Variants in WSB1 observed in about 807,000 individuals in gnomAD.
The protein encoded by WSB1 is WD repeat and SOCS box containing 1, also known as WD repeat and SOCS box-containing protein 1.
A neutral mutation model predicts 50.2 loss-of-function variants in WSB1; 23 were observed. That is an observed-to-expected ratio of 0.46 (90% confidence interval 0.33 to 0.65). The LOEUF (loss-of-function observed/expected upper bound fraction) is 0.65, where lower values mean the gene tolerates loss of function less well. Ranked by LOEUF, WSB1 falls within the 30% of genes least tolerant of loss-of-function variation. The pLI is 0.02. For synonymous variants in WSB1, 179 were observed against 172.0 expected, an observed-to-expected ratio of 1.04 and a Z score of -0.32; for missense variants, 492 against 522.3, an observed-to-expected ratio of 0.94 and a Z score of 0.56.
chr17:27,308,287 T>C, intron 5 of WSB1: 1 of 986,214 alleles, frequency 1.0e-6, no homozygotes. Flanking sequence ...TCACATTTAA[T>C]ATAACAGACT....
At chr17:27,305,239 G>T (rs564803969) in intron 4 of WSB1, among the ~76,000 whole-genome samples, 1 of 152,136 alleles carries the variant, frequency 6.6e-6, no homozygotes, top group Non-Finnish European at 1.5e-5. Flanking sequence ...TCTTAGGGAG[G>T]GTTATTAACT....
intron 5 of WSB1, chr17:27,307,638 TACTC>T (rs1354235810): frequency 8.8e-7 from 1 of 1,131,862 alleles, no homozygotes; most frequent in African/African-American, 1.6e-5. Flanking sequence ...TAAAGCAAGA[TACTC>T]AGTTTAGTTC....
rs17776707 is a variant in WSB1 at position 27,296,850 on chromosome 17, T to A, written c.40+2415T>A. 5.4e-3 allele frequency among the ~76,000 whole-genome samples: 828 copies of A among 152,174 alleles called. 5 individuals are homozygous for A. The highest frequency in any genetic ancestry group is 0.019 in the African/African-American group (779 of 41,524). On this transcript the variant is annotated intron_variant, in intron 1 of 8. Transcript: ENST00000262394. ...CAGATAATGTAATAAAGGTTTAACT[T>A]AAAAATTTTTTTTCAAAGCACTTTA...
At position 27,309,105 on chromosome 17, in the gene WSB1, C is replaced by T. The variant is rs199550651; in HGVS notation, c.717C>T (p.Phe239=). The change falls in exon 6 of 9, where the codon TTC becomes TTT. Residue 239 remains phenylalanine (F), a synonymous_variant. Transcript: ENST00000262394. ...LCSVGASKAV[F]LWNMDKYTMI... ...CATTTGCCTTTTTATTGCAGGTTTT[C>T]CTTTGGAATATGGATAAATACACCA... The T allele has an allele frequency of 6.3e-7, 1 of 1,594,504 alleles. No homozygotes were observed. The highest frequency in any genetic ancestry group is 2.2e-5 in the East Asian group (1 of 44,468).
Position 27,313,018 on chromosome 17 carries a change from A to C in WSB1, c.*649A>C, listed in dbSNP as rs944395281. ...ATCACACCACTGCACTCCAACCTGG[A>C]CAACAGAGCGAGACTCCATCTCAAA... On this transcript the variant is annotated 3_prime_UTR_variant, in exon 9 of 9. Transcript: ENST00000262394. 4 of 152,008 alleles carry C rather than the reference A, an allele frequency of 2.6e-5. No homozygotes were observed. Among genetic ancestry groups the C allele is most frequent in the African/African-American group, 9.7e-5 (4 of 41,288 alleles). The allele number at this position is 152,008 out of a possible 1,614,324, so 9.4% of individuals were successfully genotyped here. A position where few individuals can be genotyped will look rare whatever the true frequency, so the allele number is the denominator to read the frequency against.
In WSB1 at chr17:27,311,565, G is replaced by A. The variant is rs371644715; in HGVS notation, c.1055G>A (p.Ser352Asn). The stretch of plus-strand genomic sequence containing the variant: ...TATCCAGTGCAAGTTGCACCTTTGA[G>A]CAATGGTCTTTGCTGTGCCTTCTCT... ...EDYPVQVAPL[S>N]NGLCCAFSTD... The change falls in exon 8 of 9, where the codon AGC becomes AAC. Residue 352 changes from serine (S) to asparagine (N), a missense_variant. Ser to Asn is a conservative substitution (Grantham distance 46). Transcript: ENST00000262394. 11 of 1,611,444 alleles carry A rather than the reference G, an allele frequency of 6.8e-6. No individual in the cohort carries two copies. Among genetic ancestry groups the A allele is most frequent in the Admixed American group, 1.7e-5 (1 of 59,682 alleles).
intron 1 of WSB1, among the ~76,000 whole-genome samples, chr17:27,296,591 T>G: frequency 6.6e-6 from 1 of 152,240 alleles, no homozygotes; most frequent in Non-Finnish European, 1.5e-5. Context: ...GCTACTGCCC[T>G]TTTTCACAAG....
intron 1 of WSB1, among the ~76,000 whole-genome samples, chr17:27,297,644 A>G (rs2017035065): frequency 6.6e-6 from 1 of 152,120 alleles, no homozygotes; most frequent in African/African-American, 2.4e-5. Flanking sequence ...TTTTGTAGAG[A>G]TGAGGTCCCC....
intron 4 of WSB1, 42 bp downstream of exon 4, chr17:27,304,953 G>C (rs778803300): frequency 3.1e-6 from 5 of 1,611,048 alleles, no homozygotes; most frequent in Non-Finnish European, 4.2e-6. Flanking sequence ...TTTGTTTCTT[G>C]ATACTACTAT....
chr17:27,312,225 T>A lies in WSB1; in HGVS notation c.1122T>A (p.Ser374Arg). The A allele has an allele frequency of 6.2e-7, 1 of 1,611,618 alleles. No individual in the cohort carries two copies. Among genetic ancestry groups the A allele is most frequent in the Non-Finnish European group, 8.5e-7 (1 of 1,179,426 alleles). The change falls in exon 9 of 9, where the codon AGT becomes AGA. Residue 374 changes from serine to arginine, a missense_variant. By Grantham distance (110) the Ser-to-Arg change is moderately radical (BLOSUM62 -1). Transcript: ENST00000262394. The part of the protein sequence containing the change: ...SVLAAGTHDG[S>R]VYFWATPRQV... ...TTCTGTTTAGGACACATGACGGAAG[T>A]GTGTATTTTTGGGCCACTCCACGGC...
intron 5 of WSB1, chr17:27,307,857 C>T (rs2017521692): frequency 1.3e-6 from 2 of 1,487,212 alleles, no homozygotes; most frequent in Non-Finnish European, 1.8e-6. Flanking sequence ...GGGCTGGGGG[C>T]GACCTTTACC....
At chr17:27,311,482 ATAC>A (rs2017674508) in intron 7 of WSB1, 24 bp from the exon 8 acceptor site, 2 of 1,561,684 alleles carry the variant, frequency 1.3e-6, no homozygotes, top group Non-Finnish European at 1.7e-6. Flanking sequence ...TTTCTACAAG[ATAC>A]TAAATAATTT....
Position 27,311,615 on chromosome 17 carries a change from G to T in WSB1, c.1105G>T (p.Gly369Trp). The T allele has an allele frequency of 6.6e-7, 1 of 1,503,838 alleles. No homozygotes were observed. 93.2% of individuals were successfully genotyped at this position (1,503,838 alleles called of 1,614,324 possible). ...TACTGATGGCAGTGTTTTAGCTGCT[G>T]GGTAAATATATTTTTCTCTTTTTTT... ...FSTDGSVLAA[G>W]THDGSVYFWA... The change falls in exon 8 of 9, where the codon GGG (glycine) becomes TGG (tryptophan). Residue 369 changes from glycine (G) to tryptophan (W), a missense_variant and splice_region_variant. Physicochemically the swap from Gly to Trp is radical, Grantham distance 184. Transcript: ENST00000262394.
chr17:27,307,610 T>TATAAC, intron 5 of WSB1: 1 of 835,630 alleles, frequency 1.2e-6, no homozygotes, highest in East Asian at 2.9e-5. Flanking sequence ...AAAATGATAG[T>TATAAC]TATAAATGTT....
chr17:27,307,642 C>A, intron 5 of WSB1: 2 of 1,158,906 alleles, frequency 1.7e-6, no homozygotes, highest in Non-Finnish European at 2.4e-6. Context: ...GCAAGATACT[C>A]AGTTTAGTTC....
chr17:27,306,202 CTTTTTTTTTTTTT>C (rs907711059), intron 4 of WSB1, among the ~76,000 whole-genome samples: 2 of 63,148 alleles, frequency 3.2e-5, no homozygotes, highest in African/African-American at 6.2e-5. Flanking sequence ...AGAATTCTGT[CTTTTTTTTTTTTT>C]TTTTTTTTTT....
chr17:27,311,631 C>CTA lies in WSB1; in HGVS notation c.1106+16_1106+17insAT. The CTA allele has an allele frequency of 5.6e-5, 30 of 537,194 alleles. No homozygotes were observed. Among genetic ancestry groups the CTA allele is most frequent in the Non-Finnish European group, 7.7e-5 (27 of 349,414 alleles). 33.3% of individuals were successfully genotyped at this position (537,194 alleles called of 1,614,324 possible). ...TTAGCTGCTGGGTAAATATATTTTT[C>CTA]TCTTTTTTTTTTTTTTTTTTTTTTT... is the stretch of plus-strand genomic sequence containing the variant. On this transcript the variant is annotated intron_variant, in intron 8 of 8. Coordinates refer to ENST00000262394, the MANE Select transcript of WSB1 (RefSeq NM_015626.10).
At chr17:27,306,661 T>G in intron 4 of WSB1, 121 bp from the exon 5 acceptor site, 1 of 895,918 alleles carries the variant, frequency 1.1e-6, no homozygotes, top group Non-Finnish European at 1.7e-6. Flanking sequence ...CGGTAACCCT[T>G]GTTATAGATA....
Position 27,312,556 on chromosome 17 carries a change from A to C in WSB1, c.*187A>C. 2 of 722,342 alleles carry C rather than the reference A, an allele frequency of 2.8e-6. No individual in the cohort carries two copies. The highest frequency in any genetic ancestry group is 4.2e-6 in the Non-Finnish European group (2 of 476,438). The allele number at this position is 722,342 out of a possible 1,614,324, so 44.7% of individuals were successfully genotyped here. ...TTATAGACAATAGAAGTATTTCTGA[A>C]CATATCAAATATAAATTTTTTTAAA... On this transcript the variant is annotated 3_prime_UTR_variant, in exon 9 of 9. Transcript: ENST00000262394.
Sources: allele counts gnomAD v4.1 joint callset (sites outside exome capture counted in the v4.1 genomes callset), GRCh38; gene constraint gnomAD v4.1.1; transcripts MANE v1.5; gene names NCBI Gene and HGNC (gene_info 2026-07-23, HGNC 2026-07-21).